PRSS41: variants seen among roughly 807,000 people sequenced by gnomAD.
PRSS41 encodes the protein serine protease 41.
PRSS41 carries 37 observed loss-of-function variants against 28.8 expected under a neutral mutation model. The observed-to-expected ratio is 1.29, with a 90% confidence interval of 0.99 to 1.69. The LOEUF (loss-of-function observed/expected upper bound fraction) is 1.69, where lower values mean the gene tolerates loss of function less well. Among genes scored for constraint, PRSS41 ranks in the 40% most tolerant of loss-of-function variants. PRSS41 has a pLI of 0.00. For missense variants in PRSS41, 431 were observed against 400.7 expected (o/e 1.08, Z -0.65); for synonymous variants, 195 against 163.1 (o/e 1.20, Z -1.49).
intron 4 of PRSS41, among the ~76,000 whole-genome samples, chr16:2,801,948 G>A: frequency 6.7e-6 from 1 of 149,584 alleles, no homozygotes; most frequent in East Asian, 2.1e-4. Context: ...CTCCCGGACG[G>A]GGCGGCTGGC....
chr16:2,802,482 C>T (rs918811571), intron 4 of PRSS41, among the ~76,000 whole-genome samples: 34 of 152,262 alleles, frequency 2.2e-4, no homozygotes, highest in African/African-American at 7.5e-4. Context: ...GACGGGATGG[C>T]GGCCGGGCAG....
intron 2 of PRSS41, 91 bp from the exon 3 acceptor site, chr16:2,798,868 G>A (rs1382020046): frequency 5.1e-6 from 7 of 1,380,844 alleles, no homozygotes; most frequent in Admixed American, 3.2e-5. Flanking sequence ...GGAGCCCCCC[G>A]CTGCGCGCAC....
At chr16:2,804,811 G>C (rs1349166191) in intron 5 of PRSS41, 103 bp from the exon 6 acceptor site, 1 of 942,968 alleles carries the variant, frequency 1.1e-6, no homozygotes, top group African/African-American at 1.6e-5. Context: ...AAGGAGTAAG[G>C]TTTGCATTCA....
chr16:2,799,080 G>A (rs1429136793), exon 3 of PRSS41: 5 of 1,533,366 alleles, frequency 3.3e-6, no homozygotes, highest in African/African-American at 2.7e-5. Context: ...GAGGGAGCCT[G>A]CTCAGCCGCC....
rs570808732 is a variant in PRSS41, at chr16:2,804,330, C to T, written c.542-59C>T. ...TATAACACATGCCCTTTCTCCTCTC[C>T]CTGCTCCAGATAGCAGAGGAGAGGT... is the stretch of plus-strand genomic sequence containing the variant. On this transcript the variant is annotated intron_variant, in intron 4 of 5. Coordinates refer to ENST00000399677, the Ensembl canonical transcript of PRSS41. 195 of 1,531,812 alleles carry T rather than the reference C, an allele frequency of 1.3e-4. 5 individuals are homozygous for T. In the South Asian group the frequency reaches 2.2e-3, roughly 17 times the overall value. The allele number at this position is 1,531,812 out of a possible 1,614,324, so 94.9% of individuals were successfully genotyped here.
chr16:2,800,865 A>C (rs1383809443), intron 4 of PRSS41, among the ~76,000 whole-genome samples: 2 of 152,204 alleles, frequency 1.3e-5, no homozygotes, highest in Non-Finnish European at 2.9e-5. Context: ...ACACAAACAC[A>C]TTGTATAGCT....
intron 4 of PRSS41, among the ~76,000 whole-genome samples, chr16:2,803,379 C>T (rs190485470): frequency 4.6e-5 from 7 of 151,962 alleles, no homozygotes; most frequent in Admixed American, 3.3e-4. Flanking sequence ...ACATCTAAAC[C>T]TTATAATAAC....
At chr16:2,802,506 G>C (rs535965882) in intron 4 of PRSS41, among the ~76,000 whole-genome samples, 1 of 151,998 alleles carries the variant, frequency 6.6e-6, no homozygotes, top group Non-Finnish European at 1.5e-5. Flanking sequence ...CTGCAATCTC[G>C]GCACTTTGGG....
rs771081634 is a variant in PRSS41 at position 2,799,058 on chromosome 16, G to A, written c.191G>A (p.Arg64His). 37 of 1,533,554 alleles carry A rather than the reference G, an allele frequency of 2.4e-5. No homozygotes were observed. The South Asian group carries it at 3.7e-4, about 15-fold the overall frequency. 95.0% of individuals were successfully genotyped at this position (1,533,554 alleles called of 1,614,324 possible). ...CAGGCCAGCCTGCGCCTGAGGAGAC[G>A]CCACCGATGTGGAGGGAGCCTGCTC... Residue 64 changes from arginine to histidine, a missense_variant, in exon 3 of 6, where the codon CGC (arginine) becomes CAC (histidine). Transcript: ENST00000399677.
At chr16:2,798,607 C>T in intron 1 of PRSS41, 29 bp from the exon 2 acceptor site, 2 of 1,521,958 alleles carry the variant, frequency 1.3e-6, no homozygotes, top group Admixed American at 2.2e-5. Context: ...GAGGTGGAGG[C>T]CGCGAGGGTC....
intron 4 of PRSS41, 136 bp downstream of exon 4, chr16:2,799,705 TCTCTC>T: frequency 1.1e-6 from 1 of 893,628 alleles, no homozygotes; most frequent in Non-Finnish European, 1.7e-6. Context: ...CTGCTCTCAT[TCTCTC>T]CTCACTTGCT....
exon 5 of PRSS41, chr16:2,804,415 C>G (rs572883608): frequency 6.4e-7 from 1 of 1,551,600 alleles, no homozygotes; most frequent in Non-Finnish European, 8.7e-7. Flanking sequence ...TTACAACCTC[C>G]GGGAAGCACA....
At chr16:2,802,014 T>C (rs1191285376) in intron 4 of PRSS41, among the ~76,000 whole-genome samples, 1 of 87,300 alleles carries the variant, frequency 1.1e-5, no homozygotes, top group African/African-American at 4.5e-5. Context: ...TGGCCGGGCG[T>C]GGGGCTGACC....
chr16:2,801,918 C>T (rs1172368277), intron 4 of PRSS41, among the ~76,000 whole-genome samples: 239 of 147,280 alleles, frequency 1.6e-3, no homozygotes, highest in Non-Finnish European at 1.9e-3. Flanking sequence ...TAGGGGCGGC[C>T]GGGCAGAGGC....
chr16:2,803,432 A>T (rs142829728), intron 4 of PRSS41, among the ~76,000 whole-genome samples: 98 of 152,334 alleles, frequency 6.4e-4, no homozygotes, highest in African/African-American at 2.3e-3. Flanking sequence ...AGTATTAAAA[A>T]AAATCTCTGT....
In PRSS41 at chr16:2,799,284, A is replaced by G; in HGVS notation, c.258-2A>G. ...TCCCCGCCCTCTCTCCTTTTCTGCT[A>G]GGCACTACTATCCCTCCGAGTGGAC... On this transcript the variant is annotated splice_acceptor_variant, in intron 3 of 5. Coordinates refer to ENST00000399677, the Ensembl canonical transcript of PRSS41. LOFTEE classifies it high-confidence loss of function. 6.4e-7 allele frequency: 1 copy of G among 1,551,288 alleles called. No homozygotes were observed. Among genetic ancestry groups the G allele is most frequent in the Non-Finnish European group, 8.7e-7 (1 of 1,146,934 alleles).
At chr16:2,799,431 A>G in exon 4 of PRSS41, 6 of 1,552,148 alleles carry the variant, frequency 3.9e-6, no homozygotes, top group Non-Finnish European at 5.2e-6. Flanking sequence ...ACGCAATGAC[A>G]TTGCCCTGCT....
At chr16:2,801,347 TA>T (rs1322687494) in intron 4 of PRSS41, among the ~76,000 whole-genome samples, 9 of 151,776 alleles carry the variant, frequency 5.9e-5, no homozygotes, top group African/African-American at 2.2e-4. Flanking sequence ...TTTTTTTTTT[TA>T]ATTTTTTTTT....
chr16:2,798,894 G>C, intron 2 of PRSS41, 65 bp from the exon 3 acceptor site: 3 of 1,449,554 alleles, frequency 2.1e-6, no homozygotes, highest in Non-Finnish European at 2.7e-6. Context: ...GGCAAAGCCG[G>C]GCAGGGCGGG....
Sources: allele counts gnomAD v4.1 joint callset (sites outside exome capture counted in the v4.1 genomes callset), GRCh38; gene constraint gnomAD v4.1.1; transcripts MANE v1.5; gene names NCBI Gene and HGNC (gene_info 2026-07-23, HGNC 2026-07-21).